NSG2: variants seen among roughly 807,000 people sequenced by gnomAD.
NSG2 encodes neuronal vesicle trafficking associated 2, also known as neuronal vesicle trafficking-associated protein 2.
Under a neutral mutation model 16.9 loss-of-function variants are expected in NSG2, and 4 were observed. That is an observed-to-expected ratio of 0.24 (90% confidence interval 0.12 to 0.54). NSG2 has a LOEUF of 0.54. NSG2 is among the 20% of genes least tolerant of loss of function. NSG2 has a pLI of 0.95. For missense variants in NSG2, 179 were observed against 221.1 expected (o/e 0.81, Z 1.21); for synonymous variants, 98 against 88.7 (o/e 1.11, Z -0.59).
At chr5:174,074,409 G>A (rs934572204) in intron 3 of NSG2, among the ~76,000 whole-genome samples, 1 of 152,060 alleles carries the variant, frequency 6.6e-6, no homozygotes, top group African/African-American at 2.4e-5. Context: ...GGTCTCCAGT[G>A]GGAAGCTACG....
At position 174,107,440 on chromosome 5, in the gene NSG2, G is replaced by C. The variant is rs780628335; in HGVS notation, c.451G>C (p.Gly151Arg). ...CAAGCAGAGCACTGCCCGGGCCATC[G>C]GGCCGTGGCTGTCAGCAGCCGCTGT... ...VAKQSTARAIGPWLSAAAVIH... is the reference protein window; with the variant it reads ...VAKQSTARAIRPWLSAAAVIH... The change falls in exon 5 of 5, where the codon GGG (glycine) becomes CGG (arginine). Residue 151 changes from glycine (G) to arginine (R), a missense_variant. Physicochemically the swap from Gly to Arg is moderately radical, Grantham distance 125. Coordinates refer to ENST00000303177, the MANE Select transcript of NSG2 (RefSeq NM_015980.5). This position sits in a 1 kb window ranked among gnomAD's most constrained non-coding sequence, Gnocchi z 4.5. 2 of 1,612,344 alleles carry C rather than the reference G, an allele frequency of 1.2e-6. No individual in the cohort carries two copies. Among genetic ancestry groups the C allele is most frequent in the African/African-American group, 1.3e-5 (1 of 74,886 alleles).
chr5:174,065,145 G>A (rs904650411), intron 3 of NSG2, among the ~76,000 whole-genome samples: 4 of 152,120 alleles, frequency 2.6e-5, no homozygotes, highest in East Asian at 1.9e-4. Context: ...TGGCTAACAC[G>A]GTGAAACCCC....
At chr5:174,080,108 A>T (rs1291294370) in intron 3 of NSG2, among the ~76,000 whole-genome samples, 2 of 152,114 alleles carry the variant, frequency 1.3e-5, no homozygotes, top group Non-Finnish European at 2.9e-5. Flanking sequence ...CTGCATTTCC[A>T]TATGGGTTTC....
intron 4 of NSG2, among the ~76,000 whole-genome samples, chr5:174,106,004 G>A: frequency 6.6e-6 from 1 of 152,152 alleles, no homozygotes. Flanking sequence ...CACTACAACT[G>A]GGAAAATGAG....
chr5:174,049,161 A>C (rs1759847582), intron 2 of NSG2, among the ~76,000 whole-genome samples: 2 of 152,120 alleles, frequency 1.3e-5, no homozygotes, highest in Non-Finnish European at 1.5e-5. Flanking sequence ...AACACGGTGA[A>C]ACCGCGTCTC....
intron 2 of NSG2, among the ~76,000 whole-genome samples, chr5:174,060,112 G>A (rs1760025802): frequency 6.6e-6 from 1 of 152,154 alleles, no homozygotes; most frequent in African/African-American, 2.4e-5. Flanking sequence ...TGAAGAAGGA[G>A]ATGGATGCTA....
chr5:174,107,544 G>C lies in NSG2; in HGVS notation c.*39G>C. 6.4e-7 allele frequency: 1 copy of C among 1,551,092 alleles called. No individual in the cohort carries two copies. Among genetic ancestry groups the C allele is most frequent in the Non-Finnish European group, 8.8e-7 (1 of 1,139,330 alleles). ...CCAGAATGGGGGGCGGGGTGGAGAG[G>C]AGGACCCCCATTGGCTAAGCCAAGC... On this transcript the variant is annotated 3_prime_UTR_variant, in exon 5 of 5. Transcript: ENST00000303177. The surrounding 1 kb of genome is among the most constrained non-coding windows in gnomAD (Gnocchi z 4.5).
chr5:174,104,171 A>G, intron 3 of NSG2, 57 bp from the exon 4 acceptor site: 1 of 1,236,818 alleles, frequency 8.1e-7, no homozygotes, highest in Non-Finnish European at 1.2e-6. Context: ...AAAGCTGCAT[A>G]CGGGGACTGA....
At chr5:174,081,522 T>G (rs1760465194) in intron 3 of NSG2, 1 of 152,226 alleles carries the variant, frequency 6.6e-6, no homozygotes, top group Non-Finnish European at 1.5e-5. Context: ...AATACATTAC[T>G]GTATTTAAAA....
chr5:174,087,787 CAA>C (rs552111181), intron 3 of NSG2, among the ~76,000 whole-genome samples: 41 of 131,584 alleles, frequency 3.1e-4, no homozygotes, highest in African/African-American at 8.9e-4. Flanking sequence ...GACCCTGTGT[CAA>C]AAAAAAAAAA....
chr5:174,095,400 G>C (rs958701695), intron 3 of NSG2, among the ~76,000 whole-genome samples: 1 of 152,154 alleles, frequency 6.6e-6, no homozygotes, highest in Non-Finnish European at 1.5e-5. Flanking sequence ...AGTCTCCAGG[G>C]AAGAATCTCT....
intron 2 of NSG2, among the ~76,000 whole-genome samples, chr5:174,063,249 G>C (rs1306186129): frequency 6.6e-6 from 1 of 152,164 alleles, no homozygotes; most frequent in Non-Finnish European, 1.5e-5. Context: ...TGGCACTGCA[G>C]CACTTGGCAA....
rs1761019746 is a variant in NSG2, at chr5:174,108,457, T to C, written c.*952T>C. On this transcript the variant is annotated 3_prime_UTR_variant, in exon 5 of 5. Transcript: ENST00000303177. ...GTTTGTTTGTTGTTTCCCAAAGTGC[T>C]GATAACAATAACAACAACAATAGGA... 1 of 152,514 alleles carries C rather than the reference T, an allele frequency of 6.6e-6. No homozygotes were observed. The highest frequency in any genetic ancestry group is 6.5e-5 in the Admixed American group (1 of 15,296). 9.4% of individuals were successfully genotyped at this position (152,514 alleles called of 1,614,324 possible).
At chr5:174,055,707 A>G (rs376200320) in intron 2 of NSG2, among the ~76,000 whole-genome samples, 5 of 152,354 alleles carry the variant, frequency 3.3e-5, no homozygotes, top group African/African-American at 1.2e-4. Flanking sequence ...AAGCAAAGCA[A>G]AGGCCCAGCA....
rs1761016759 is a variant in NSG2 at position 174,108,288 on chromosome 5, C to T, written c.*783C>T. 6.3e-6 allele frequency: 1 copy of T among 158,312 alleles called. No homozygotes were observed. Among genetic ancestry groups the T allele is most frequent in the Admixed American group, 5.9e-5 (1 of 16,844 alleles). The allele number at this position is 158,312 out of a possible 1,614,324, so 9.8% of individuals were successfully genotyped here. On this transcript the variant is annotated 3_prime_UTR_variant, in exon 5 of 5. Transcript: ENST00000303177. ...CTTTTGCTTGCATTTTCTAGATCCA[C>T]ACCTGGATACTGCCCATGTTGACGA...
rs1380567459 is a variant in NSG2, at chr5:174,071,322, A to AC, written c.213+7008dup. On this transcript the variant is annotated intron_variant, in intron 3 of 4. Transcript: ENST00000303177. The stretch of plus-strand genomic sequence containing the variant: ...GCCAACATGGTGAAACACCGTCTCT[A>AC]CTAAAATACAAAAATTAGCCTGGTG... Among the ~76,000 whole-genome samples the AC allele has an allele frequency of 2.0e-5, 3 of 152,320 alleles. No individual in the cohort carries two copies. In the East Asian group the frequency reaches 5.8e-4, roughly 29 times the overall value.
Position 174,106,981 on chromosome 5 carries a change from C to T in NSG2, c.325-333C>T, listed in dbSNP as rs989190436. On this transcript the variant is annotated intron_variant, in intron 4 of 4. Transcript: ENST00000303177. ...TGTGAACAACAGCCCAGAGAGGCAA[C>T]AAGGGGACAGGTGAATCAGCCAGAT... 7.9e-5 allele frequency among the ~76,000 whole-genome samples: 12 copies of T among 152,274 alleles called. No individual in the cohort carries two copies. In the East Asian group the frequency reaches 9.7e-4, roughly 12 times the overall value.
rs374609216 is a variant in NSG2, at chr5:174,091,957, A to C, written c.214-12271A>C. ...GGACTTAGTGAGATGATACTTGTCA[A>C]GTGCTGAGTAGCTGATGATTTAAGG... is the stretch of plus-strand genomic sequence containing the variant. On this transcript the variant is annotated intron_variant, in intron 3 of 4. Coordinates refer to ENST00000303177, the MANE Select transcript of NSG2 (RefSeq NM_015980.5). Among the ~76,000 whole-genome samples the C allele has an allele frequency of 1.1e-3, 161 of 152,330 alleles. No individual in the cohort carries two copies. The South Asian group carries it at 0.016, about 15-fold the overall frequency.
At chr5:174,057,593 C>T (rs372500217) in intron 2 of NSG2, among the ~76,000 whole-genome samples, 1 of 152,184 alleles carries the variant, frequency 6.6e-6, no homozygotes, top group East Asian at 1.9e-4. Context: ...TTCACTGTGG[C>T]CAGAGGCCTC....
Sources: gnomAD v4.1 joint callset for allele counts (sites outside exome capture counted in the v4.1 genomes callset) on GRCh38, gnomAD v4.1.1 for gene constraint, Gnocchi (gnomAD v3.1) non-coding constraint, MANE v1.5 for transcripts, NCBI Gene and HGNC (gene_info 2026-07-23, HGNC 2026-07-21) for gene names.